FKBP4: variants seen among roughly 807,000 people sequenced by gnomAD.
The protein encoded by FKBP4 is peptidyl-prolyl cis-trans isomerase FKBP4.
FKBP4 carries 28 observed loss-of-function variants against 54.1 expected under a neutral mutation model. The observed-to-expected ratio is 0.52, with a 90% CI of 0.38 to 0.71. The LOEUF (loss-of-function observed/expected upper bound fraction) is 0.71, where lower values mean the gene tolerates loss of function less well. Among genes scored for constraint, FKBP4 ranks in the 30% least tolerant of loss-of-function variants. The pLI, the probability that FKBP4 is intolerant of heterozygous loss-of-function variation, is 0.00. For missense variants in FKBP4, 493 were observed against 574.4 expected, an observed-to-expected ratio of 0.86 and a Z score of 1.45; for synonymous variants, 223 against 216.1, an observed-to-expected ratio of 1.03 and a Z score of -0.28.
At chr12:2,796,107 G>A (rs2097901682) in intron 1 of FKBP4, 1 of 1,212,616 alleles carries the variant, frequency 8.2e-7, no homozygotes, top group Non-Finnish European at 1.1e-6. Flanking sequence ...AGGTTCCAGG[G>A]AGAATCAGAG....
In FKBP4 at chr12:2,798,098, T is replaced by C. The variant is rs993801988; in HGVS notation, c.393+227T>C. 6.6e-6 allele frequency among the ~76,000 whole-genome samples: 1 copy of C among 152,170 alleles called. No homozygotes were observed. Among genetic ancestry groups the C allele is most frequent in the African/African-American group, 2.4e-5 (1 of 41,434 alleles). On this transcript the variant is annotated intron_variant, in intron 3 of 9. Coordinates refer to ENST00000001008, the MANE Select transcript of FKBP4 (RefSeq NM_002014.4). The surrounding 1 kb of genome is among the most constrained non-coding windows in gnomAD (Gnocchi z 4.3). ...CAAGCCCCTCTCCAGACTCAAAGCA[T>C]GGTCAGGGTTAAGGCATCTTTATCT...
Position 2,800,073 on chromosome 12 carries a change from A to G in FKBP4, c.797A>G (p.Lys266Arg). The G allele has an allele frequency of 6.2e-7, 1 of 1,614,106 alleles. No individual in the cohort carries two copies. The highest frequency in any genetic ancestry group is 8.5e-7 in the Non-Finnish European group (1 of 1,180,040). The change falls in exon 7 of 10, where the codon AAG becomes AGG. Residue 266 changes from lysine (K) to arginine (R), a missense_variant. Transcript: ENST00000001008. ...TCTTGGGAGATGAATTCAGAAGAGAAGCTGGAACAGAGCACCATAGTGAAA... is the reference window on the plus strand; with the variant it reads ...TCTTGGGAGATGAATTCAGAAGAGAGGCTGGAACAGAGCACCATAGTGAAA... ...KESWEMNSEE[K>R]LEQSTIVKER...
intron 3 of FKBP4, 65 bp downstream of exon 3, chr12:2,797,936 G>A: frequency 6.5e-7 from 1 of 1,536,620 alleles, no homozygotes; most frequent in East Asian, 2.3e-5. Context: ...ATGCCTGGCT[G>A]CCCTCCAGCC....
At chr12:2,796,254 CTT>C in intron 1 of FKBP4, 1 of 1,289,254 alleles carries the variant, frequency 7.8e-7, no homozygotes, top group Non-Finnish European at 1.0e-6. Flanking sequence ...GTGCATCTGT[CTT>C]TGCACCAGAT....
chr12:2,802,621 T>C (rs981873107), intron 9 of FKBP4, among the ~76,000 whole-genome samples: 1 of 152,248 alleles, frequency 6.6e-6, no homozygotes, highest in Admixed American at 6.5e-5. Flanking sequence ...AAACACGAGT[T>C]TGAACTAGCC....
chr12:2,801,974 AT>A (rs1159174808), intron 9 of FKBP4, among the ~76,000 whole-genome samples: 1 of 151,876 alleles, frequency 6.6e-6, no homozygotes, highest in African/African-American at 2.4e-5. Flanking sequence ...TCCACCTATG[AT>A]TTGGCGCATA....
chr12:2,797,022 G>C (rs562497462), intron 1 of FKBP4, 116 bp from the exon 2 acceptor site: 1 of 1,482,482 alleles, frequency 6.7e-7, no homozygotes, highest in Admixed American at 2.4e-5. Context: ...CAAGTAGGCA[G>C]AGGAGGATGA....
intron 9 of FKBP4, chr12:2,801,569 T>C (rs772992001): frequency 4.4e-5 from 30 of 684,818 alleles, no homozygotes; most frequent in African/African-American, 7.1e-5. Flanking sequence ...GTTGGGTTGG[T>C]TGCCCTGAGT....
intron 9 of FKBP4, 156 bp downstream of exon 9, chr12:2,801,512 C>T: frequency 9.5e-7 from 1 of 1,057,840 alleles, no homozygotes; most frequent in Non-Finnish European, 1.4e-6. Context: ...GCTGTTGGGG[C>T]CAGTGTTCTG....
At chr12:2,796,034 G>T (rs1008531341) in intron 1 of FKBP4, 15 of 1,176,738 alleles carry the variant, frequency 1.3e-5, no homozygotes, top group Non-Finnish European at 1.4e-5. Flanking sequence ...ACTACAAATA[G>T]CCTGGGGAGC....
chr12:2,802,008 T>C (rs1044224585), intron 9 of FKBP4, among the ~76,000 whole-genome samples: 1 of 152,034 alleles, frequency 6.6e-6, no homozygotes. Context: ...CACGTAATAG[T>C]AGCTGGAGGC....
At chr12:2,796,339 C>T in intron 1 of FKBP4, 5 of 1,289,252 alleles carry the variant, frequency 3.9e-6, no homozygotes, top group Non-Finnish European at 5.1e-6. Flanking sequence ...CTCCAGCGTC[C>T]TGCCGTTTTC....
intron 2 of FKBP4, 119 bp downstream of exon 2, chr12:2,797,401 C>A: frequency 2.6e-6 from 3 of 1,148,828 alleles, no homozygotes; most frequent in Non-Finnish European, 2.5e-6. Context: ...TCTGTTAACT[C>A]TTTCGGTCAC....
At chr12:2,796,974 C>T in intron 1 of FKBP4, 164 bp from the exon 2 acceptor site, 1 of 1,404,634 alleles carries the variant, frequency 7.1e-7, no homozygotes, top group South Asian at 1.6e-5. Flanking sequence ...GGTTAGTTGA[C>T]TCATAAGCCA....
At chr12:2,796,762 TATA>T (rs777990619) in intron 1 of FKBP4, 1 of 1,063,882 alleles carries the variant, frequency 9.4e-7, no homozygotes, top group East Asian at 7.7e-5. Flanking sequence ...CTTTGCCGAT[TATA>T]ATAATAATCT....
chr12:2,796,328 G>T (rs760468344), intron 1 of FKBP4: 5 of 1,289,110 alleles, frequency 3.9e-6, no homozygotes, highest in South Asian at 1.2e-5. Context: ...TCCCCTTCTC[G>T]CTCCAGCGTC....
intron 1 of FKBP4, chr12:2,796,076 C>G: frequency 8.4e-7 from 1 of 1,189,074 alleles, no homozygotes; most frequent in East Asian, 5.9e-5. Context: ...TGGGCCAGGA[C>G]AACCTGCCTT....
chr12:2,802,681 G>A (rs890005892), intron 9 of FKBP4, among the ~76,000 whole-genome samples: 1 of 152,216 alleles, frequency 6.6e-6, no homozygotes, highest in African/African-American at 2.4e-5. Context: ...GAACAGCATT[G>A]CAGTGAATAA....
Position 2,799,213 on chromosome 12 carries a change from G to A in FKBP4, c.640G>A (p.Gly214Arg). The change falls in exon 5 of 10, where the codon GGA (glycine) becomes AGA (arginine). Residue 214 changes from glycine to arginine, a missense_variant. Physicochemically the swap from Gly to Arg is moderately radical, Grantham distance 125. Coordinates refer to ENST00000001008, the MANE Select transcript of FKBP4 (RefSeq NM_002014.4). ...LERAIQRMEK[G>R]EHSIVYLKPS... ...GAGGGCCATTCAGCGCATGGAGAAA[G>A]GAGAACATTCCATCGTGTACCTCAA... 1.9e-6 allele frequency: 3 copies of A among 1,556,900 alleles called. No individual in the cohort carries two copies. The highest frequency in any genetic ancestry group is 2.6e-6 in the Non-Finnish European group (3 of 1,153,488).
Sources: allele counts gnomAD v4.1 joint callset (sites outside exome capture counted in the v4.1 genomes callset), GRCh38; gene constraint gnomAD v4.1.1; non-coding constraint Gnocchi (gnomAD v3.1); transcripts MANE v1.5; gene names NCBI Gene and HGNC (gene_info 2026-07-23, HGNC 2026-07-21).